FOXN3: variants seen among roughly 807,000 people sequenced by gnomAD.
The protein encoded by FOXN3 is forkhead box N3, also known as forkhead box protein N3.
In FOXN3, 7 loss-of-function variants were observed where a neutral mutation model predicts 38.4. The observed-to-expected ratio is 0.18, with a 90% CI of 0.10 to 0.34. The LOEUF is 0.34. Among genes scored for constraint, FOXN3 ranks in the 10% least tolerant of loss-of-function variants. The pLI, the probability that FOXN3 is intolerant of heterozygous loss-of-function variation, is 1.00. For synonymous variants in FOXN3, 230 were observed against 242.2 expected, an observed-to-expected ratio of 0.95 and a Z score of 0.47; for missense variants, 456 against 613.4, an observed-to-expected ratio of 0.74 and a Z score of 2.71.
At chr14:89,171,083 T>C (rs1011113882) in intron 5 of FOXN3, among the ~76,000 whole-genome samples, 1 of 151,346 alleles carries the variant, frequency 6.6e-6, no homozygotes, top group African/African-American at 2.4e-5. Flanking sequence ...TATGGCGAAA[T>C]TAAGCAAAAA....
intron 4 of FOXN3, among the ~76,000 whole-genome samples, chr14:89,204,715 G>C (rs1313251707): frequency 6.6e-6 from 1 of 152,132 alleles, no homozygotes; most frequent in Non-Finnish European, 1.5e-5. Flanking sequence ...ACAATGAGAA[G>C]GCTATGATAA....
chr14:89,562,423 C>G (rs1895269284), intron 1 of FOXN3, among the ~76,000 whole-genome samples: 1 of 152,100 alleles, frequency 6.6e-6, no homozygotes, highest in Non-Finnish European at 1.5e-5. Context: ...CCATGCCCAG[C>G]TAATTTTTGT....
At chr14:89,478,491 T>C (rs563966288) in intron 1 of FOXN3, among the ~76,000 whole-genome samples, 7 of 152,334 alleles carry the variant, frequency 4.6e-5, no homozygotes, top group African/African-American at 1.7e-4. Flanking sequence ...TAATTCTCAC[T>C]TAAATAAAAT....
At chr14:89,393,372 C>A in intron 2 of FOXN3, among the ~76,000 whole-genome samples, 1 of 152,170 alleles carries the variant, frequency 6.6e-6, no homozygotes, top group Non-Finnish European at 1.5e-5. Flanking sequence ...ATGAGAACTT[C>A]AACATTATCT....
chr14:89,350,156 A>C (rs1888911725), intron 3 of FOXN3: 1 of 152,200 alleles, frequency 6.6e-6, no homozygotes, highest in African/African-American at 2.4e-5. Context: ...GGAGGATAAA[A>C]TGTCTCTATT....
upstream of FOXN3, among the ~76,000 whole-genome samples, chr14:89,418,425 AATCT>A (rs1334181050): frequency 2.7e-5 from 1 of 37,658 alleles, no homozygotes; most frequent in African/African-American, 1.5e-4. Flanking sequence ...CCCCCCCCCC[AATCT>A]GAGAGTCATT....
intron 1 of FOXN3, among the ~76,000 whole-genome samples, chr14:89,464,652 T>C (rs1010413146): frequency 2.6e-5 from 4 of 152,146 alleles, no homozygotes; most frequent in Non-Finnish European, 5.9e-5. Context: ...TTGGAGGTAA[T>C]TGAATCATGG....
chr14:89,524,113 G>A (rs754864790), intron 1 of FOXN3, among the ~76,000 whole-genome samples: 4 of 145,140 alleles, frequency 2.8e-5, no homozygotes, highest in South Asian at 2.4e-4. Context: ...GGTGGCTCAC[G>A]CCTGTAATCC....
At chr14:89,446,724 C>A (rs1020360439) in intron 1 of FOXN3, among the ~76,000 whole-genome samples, 1 of 152,234 alleles carries the variant, frequency 6.6e-6, no homozygotes, top group African/African-American at 2.4e-5. Context: ...TTCACACCTA[C>A]CAGGTGCCTG....
intron 1 of FOXN3, among the ~76,000 whole-genome samples, chr14:89,427,357 G>A (rs1377560330): frequency 8.4e-6 from 1 of 119,368 alleles, no homozygotes; most frequent in Non-Finnish European, 1.6e-5. Flanking sequence ...CCAGACTAGA[G>A]TGCAGTGGTG....
At chr14:89,505,293 C>T (rs1312386564) in intron 1 of FOXN3, among the ~76,000 whole-genome samples, 1 of 151,070 alleles carries the variant, frequency 6.6e-6, no homozygotes, top group African/African-American at 2.4e-5. Flanking sequence ...CCTCCCCCTC[C>T]CCCTCTCCCC....
At chr14:89,283,717 C>A (rs1886531055) in intron 3 of FOXN3, among the ~76,000 whole-genome samples, 2 of 151,996 alleles carry the variant, frequency 1.3e-5, no homozygotes, top group South Asian at 2.1e-4. Context: ...CCCTTGTTAA[C>A]CCTGAGTGGG....
intron 4 of FOXN3, among the ~76,000 whole-genome samples, chr14:89,207,745 G>A (rs894124006): frequency 2.0e-5 from 3 of 152,216 alleles, no homozygotes; most frequent in Non-Finnish European, 2.9e-5. Context: ...TGTACCAGAT[G>A]TGGAATGTAC....
intron 1 of FOXN3, among the ~76,000 whole-genome samples, chr14:89,527,085 A>C (rs1894447746): frequency 6.7e-6 from 1 of 148,762 alleles, no homozygotes; most frequent in African/African-American, 2.5e-5. Flanking sequence ...GGAGGAGAGG[A>C]GGAGGAAGGG....
At chr14:89,580,427 G>A (rs1217755417) in intron 1 of FOXN3, among the ~76,000 whole-genome samples, 2 of 152,182 alleles carry the variant, frequency 1.3e-5, no homozygotes, top group South Asian at 2.1e-4. Flanking sequence ...CTGGGTAATT[G>A]TATAAATACA....
chr14:89,476,132 C>T (rs923771233), intron 1 of FOXN3, among the ~76,000 whole-genome samples: 5 of 152,128 alleles, frequency 3.3e-5, no homozygotes, highest in Admixed American at 6.5e-5. Context: ...TTCTTGCTCT[C>T]GGATGTTTGC....
intron 4 of FOXN3, among the ~76,000 whole-genome samples, chr14:89,193,276 C>A (rs1888011139): frequency 6.6e-6 from 1 of 151,844 alleles, no homozygotes; most frequent in Admixed American, 6.6e-5. Context: ...AGTCTGGAGT[C>A]TTTTCCTATT....
chr14:89,246,665 A>G (rs1030732209), intron 4 of FOXN3, among the ~76,000 whole-genome samples: 1 of 147,938 alleles, frequency 6.8e-6, no homozygotes, highest in Non-Finnish European at 1.5e-5. Context: ...CAGCCTCCCA[A>G]GTAGCTGGGA....
At chr14:89,534,054 C>A (rs528853468) in intron 1 of FOXN3, among the ~76,000 whole-genome samples, 1 of 151,942 alleles carries the variant, frequency 6.6e-6, no homozygotes, top group Admixed American at 6.6e-5. Context: ...ATGTGCTTCC[C>A]CCCCGCCACC....
Sources: gnomAD v4.1 joint callset for allele counts (sites outside exome capture counted in the v4.1 genomes callset) on GRCh38, gnomAD v4.1.1 for gene constraint, MANE v1.5 for transcripts, NCBI Gene and HGNC (gene_info 2026-07-23, HGNC 2026-07-21) for gene names.